Variants in NEUROD1 observed in about 807,000 individuals in gnomAD.
The protein encoded by NEUROD1 is neurogenic differentiation factor 1.
NEUROD1 carries 9 observed loss-of-function variants against 21.8 expected under a neutral mutation model. The observed-to-expected ratio is 0.41, with a 90% CI of 0.25 to 0.72. The LOEUF (loss-of-function observed/expected upper bound fraction) is 0.72. Ranked by LOEUF, NEUROD1 falls within the 30% of genes least tolerant of loss-of-function variation. NEUROD1 has a pLI of 0.31. For missense variants in NEUROD1, 434 were observed against 468.8 expected (o/e 0.93, Z 0.69); for synonymous variants, 199 against 186.2 (o/e 1.07, Z -0.56).
At chr2:181,674,577 G>C (rs893149575), downstream of NEUROD1, among the ~76,000 whole-genome samples, 1 of 152,106 alleles carries the variant, frequency 6.6e-6, no homozygotes, top group Non-Finnish European at 1.5e-5. Context: ...TCTGACATTG[G>C]CACTGGTTCT....
chr2:181,675,905 AAATT>A (rs1382651120), downstream of NEUROD1, among the ~76,000 whole-genome samples: 3 of 152,174 alleles, frequency 2.0e-5, no homozygotes, highest in Non-Finnish European at 2.9e-5. Context: ...TGGATTCTTT[AAATT>A]AATTAACTCA....
chr2:181,677,060 T>A lies in NEUROD1; in HGVS notation c.*730A>T, dbSNP rs2105592953. 6.6e-6 allele frequency: 1 copy of A among 151,564 alleles called. No homozygotes were observed. Among genetic ancestry groups the A allele is most frequent in the Non-Finnish European group, 1.5e-5 (1 of 67,786 alleles). 9.4% of individuals were successfully genotyped at this position (151,564 alleles called of 1,614,324 possible). Reference sequence around the variant, plus strand: ...TTGAAAATTATGATTCTGGTTTTTATTTTAGGGAGACGGAAAGACTTTAAA... The same window carrying A: ...TTGAAAATTATGATTCTGGTTTTTAATTTAGGGAGACGGAAAGACTTTAAA... On this transcript the variant is annotated 3_prime_UTR_variant, in exon 2 of 2. Transcript: ENST00000295108.
chr2:181,674,702 T>A (rs1334508505), downstream of NEUROD1, among the ~76,000 whole-genome samples: 1 of 152,064 alleles, frequency 6.6e-6, no homozygotes, highest in East Asian at 1.9e-4. Flanking sequence ...AGAAGGAACA[T>A]CTGTGCCTGC....
At chr2:181,679,270 A>T (rs978648935) in intron 1 of NEUROD1, among the ~76,000 whole-genome samples, 1 of 100,070 alleles carries the variant, frequency 1.0e-5, no homozygotes, top group African/African-American at 7.3e-5. Context: ...ACAACTCCAT[A>T]AAAAAAAAAA....
In NEUROD1 at chr2:181,670,561, C is replaced by T. The variant is rs1688483880; in HGVS notation, n.3385G>A. The stretch of plus-strand genomic sequence containing the variant: ...TAGGGCTGCCATAACAAATCACCAG[C>T]AACTGGGTAGCTTAAGACAACAGAA... On this transcript the variant is annotated non_coding_transcript_exon_variant, in exon 2 of 2. Transcript: ENST00000496876. Among the ~76,000 whole-genome samples, 3 of 152,210 alleles carry T rather than the reference C, an allele frequency of 2.0e-5. No homozygotes were observed. In the South Asian group the frequency reaches 6.2e-4, roughly 32 times the overall value.
At chr2:181,679,318 C>T (rs190351174) in intron 1 of NEUROD1, among the ~76,000 whole-genome samples, 1 of 152,120 alleles carries the variant, frequency 6.6e-6, no homozygotes, top group East Asian at 1.9e-4. Flanking sequence ...CCATTTCTGT[C>T]CTGGCTTCCA....
chr2:181,671,795 T>C (rs1260351938), downstream of NEUROD1, among the ~76,000 whole-genome samples: 1 of 152,126 alleles, frequency 6.6e-6, no homozygotes, highest in Non-Finnish European at 1.5e-5. Context: ...CATTACTTAG[T>C]CACGTACCTG....
chr2:181,678,583 T>G lies in NEUROD1; in HGVS notation c.278A>C (p.Lys93Thr), dbSNP rs765499554. Reference sequence around the variant, plus strand: ...CAATTTAAAACGCTCCAGGCGAGCCTTAGTCATCTTCTTCTTTTTGGGGCC... The same window carrying G: ...CAATTTAAAACGCTCCAGGCGAGCCGTAGTCATCTTCTTCTTTTTGGGGCC... ...RRGPKKKKMTKARLERFKLRR... is the reference protein window; with the variant it reads ...RRGPKKKKMTTARLERFKLRR... The change falls in exon 2 of 2, where the codon AAG becomes ACG. Residue 93 changes from lysine to threonine, a missense_variant. Coordinates refer to ENST00000295108, the MANE Select transcript of NEUROD1 (RefSeq NM_002500.5). This position sits in a 1 kb window ranked among gnomAD's most constrained non-coding sequence, Gnocchi z 5.5. 4 of 1,614,066 alleles carry G rather than the reference T, an allele frequency of 2.5e-6. No individual in the cohort carries two copies. In the South Asian group the frequency reaches 4.4e-5, roughly 18 times the overall value.
rs150161343 is a variant in NEUROD1 at position 181,676,629 on chromosome 2, A to T, written c.*1161T>A. ...TATTCTGGACTGCATTTTACATGCA[A>T]TAGCTATTGTTCTAATTATGAATTA... On this transcript the variant is annotated 3_prime_UTR_variant, in exon 2 of 2. Transcript: ENST00000295108. 7.2e-5 allele frequency: 11 copies of T among 152,770 alleles called. No individual in the cohort carries two copies. The highest frequency in any genetic ancestry group is 7.2e-4 in the Admixed American group (11 of 15,308). The allele number at this position is 152,770 out of a possible 1,614,324, so 9.5% of individuals were successfully genotyped here.
rs1688651166 is a variant in NEUROD1, at chr2:181,678,946, A to G, written c.-11-75T>C. On this transcript the variant is annotated intron_variant, in intron 1 of 1. Transcript: ENST00000295108. The surrounding 1 kb of genome is among the most constrained non-coding windows in gnomAD (Gnocchi z 5.5). ...ATATTCAAAAGCCAGATACGCCTTC[A>G]GCTTCCACTCCCTAAACCTGTACAA... The G allele has an allele frequency of 6.4e-6, 10 of 1,552,664 alleles. No homozygotes were observed. The South Asian group carries it at 1.0e-4, about 16-fold the overall frequency.
Position 181,678,077 on chromosome 2 carries a change from T to C in NEUROD1, c.784A>G (p.Thr262Ala), listed in dbSNP as rs773096753. ...TCAAAGGAAGGGCTGGTGCAATCAGTCAGAGGGCTTTCAAAGAAGGGCTCC... is the reference window on the plus strand; with the variant it reads ...TCAAAGGAAGGGCTGGTGCAATCAGCCAGAGGGCTTTCAAAGAAGGGCTCC... Reference protein sequence around the residue: ...ALEPFFESPLTDCTSPSFDGP... With the variant: ...ALEPFFESPLADCTSPSFDGP... Residue 262 changes from threonine to alanine, a missense_variant, in exon 2 of 2, where the codon ACT (threonine) becomes GCT (alanine). Transcript: ENST00000295108. This position sits in a 1 kb window ranked among gnomAD's most constrained non-coding sequence, Gnocchi z 5.5. The C allele has an allele frequency of 3.1e-6, 5 of 1,614,076 alleles. No homozygotes were observed. The South Asian group carries it at 3.3e-5, about 11-fold the overall frequency.
chr2:181,674,321 C>T (rs570384928), downstream of NEUROD1, among the ~76,000 whole-genome samples: 47 of 152,182 alleles, frequency 3.1e-4, 2 homozygotes, highest in South Asian at 6.8e-3. Flanking sequence ...CAAAACTAAA[C>T]GAAATATTTT....
rs1422837565 is a variant in NEUROD1, at chr2:181,678,634, T to A, written c.227A>T (p.Asp76Val). The A allele has an allele frequency of 2.5e-6, 4 of 1,613,790 alleles. No homozygotes were observed. In the South Asian group the frequency reaches 4.4e-5, roughly 18 times the overall value. The change falls in exon 2 of 2, where the codon GAT becomes GTT. Residue 76 changes from aspartate to valine, a missense_variant. Asp to Val is a radical substitution (Grantham distance 152). Coordinates refer to ENST00000295108, the MANE Select transcript of NEUROD1 (RefSeq NM_002500.5). The surrounding 1 kb of genome is among the most constrained non-coding windows in gnomAD (Gnocchi z 5.5). ...GCGTCTCTTGGGCTTTTGATCGTCA[T>A]CCTCCTCTTCCTCTTCTTCCTCCTC... The part of the protein sequence containing the change: ...LEEEEEEEEE[D>V]DDQKPKRRGP...
chr2:181,678,471 G>A lies in NEUROD1; in HGVS notation c.390C>T (p.Cys130=). Residue 130 remains cysteine (C), a synonymous_variant, in exon 2 of 2, where the codon TGC becomes TGT. Transcript: ENST00000295108. This position sits in a 1 kb window ranked among gnomAD's most constrained non-coding sequence, Gnocchi z 5.5. ...ALDNLRKVVP[C]YSKTQKLSKI... ...TGGACAGCTTCTGCGTCTTAGAATA[G>A]CAAGGCACCACCTTGCGCAGGTTGT... 1 of 1,614,228 alleles carries A rather than the reference G, an allele frequency of 6.2e-7. No individual in the cohort carries two copies. Among genetic ancestry groups the A allele is most frequent in the Non-Finnish European group, 8.5e-7 (1 of 1,180,054 alleles).
chr2:181,676,412 A>G (rs1183036619), downstream of NEUROD1: 1 of 152,600 alleles, frequency 6.6e-6, no homozygotes, highest in Non-Finnish European at 1.5e-5. Flanking sequence ...AAAAGCAACT[A>G]CTTTCCCCAA....
chr2:181,675,684 C>T (rs1295278858), downstream of NEUROD1, among the ~76,000 whole-genome samples: 2 of 150,330 alleles, frequency 1.3e-5, no homozygotes. Context: ...TAACAATAGA[C>T]AGAATCATCC....
chr2:181,677,988 G>A lies in NEUROD1; in HGVS notation c.873C>T (p.Ala291=), dbSNP rs1415512267. ...GNFSFKHEPS[A]EFEKNYAFTM... is the part of the protein sequence containing the mutation. The stretch of plus-strand genomic sequence containing the variant: ...TAAAGGCATAATTTTTCTCAAACTC[G>A]GCGGACGGTTCGTGTTTGAAAGAGA... Residue 291 remains alanine, a synonymous_variant, in exon 2 of 2, where the codon GCC becomes GCT. Coordinates refer to ENST00000295108, the MANE Select transcript of NEUROD1 (RefSeq NM_002500.5). The A allele has an allele frequency of 9.9e-6, 16 of 1,614,066 alleles. No homozygotes were observed. Among genetic ancestry groups the A allele is most frequent in the Non-Finnish European group, 1.4e-5 (16 of 1,180,046 alleles).
Position 181,678,734 on chromosome 2 carries a change from G to C in NEUROD1, c.127C>G (p.Leu43Val). ...TCCTCCTCTGCGTTCATGGTTTCGA[G>C]GTCGTCCTCCTTCTTGTCTGCCTCG... Reference protein sequence around the residue: ...EHEADKKEDDLETMNAEEDSL... With the variant: ...EHEADKKEDDVETMNAEEDSL... The change falls in exon 2 of 2, where the codon CTC (leucine) becomes GTC (valine). Residue 43 changes from leucine to valine, a missense_variant. By Grantham distance (32) the Leu-to-Val change is conservative. Transcript: ENST00000295108. This position sits in a 1 kb window ranked among gnomAD's most constrained non-coding sequence, Gnocchi z 5.5. 6.2e-7 allele frequency: 1 copy of C among 1,612,314 alleles called. No individual in the cohort carries two copies. Among genetic ancestry groups the C allele is most frequent in the Admixed American group, 1.7e-5 (1 of 59,784 alleles).
rs2105594483 is a variant in NEUROD1, at chr2:181,678,097, G to A, written c.764C>T (p.Pro255Leu). The A allele has an allele frequency of 6.2e-7, 1 of 1,614,212 alleles. No homozygotes were observed. Among genetic ancestry groups the A allele is most frequent in the Non-Finnish European group, 8.5e-7 (1 of 1,180,048 alleles). ...PPHAYSAALE[P>L]FFESPLTDCT... ...ATCAGTCAGAGGGCTTTCAAAGAAG[G>A]GCTCCAGCGCTGCGCTGTAGGCGTG... is the stretch of plus-strand genomic sequence containing the variant. The change falls in exon 2 of 2, where the codon CCC becomes CTC. Residue 255 changes from proline (P) to leucine (L), a missense_variant. Physicochemically the swap from Pro to Leu is moderately conservative, Grantham distance 98 (BLOSUM62 -3). Coordinates refer to ENST00000295108, the MANE Select transcript of NEUROD1 (RefSeq NM_002500.5). The surrounding 1 kb of genome is among the most constrained non-coding windows in gnomAD (Gnocchi z 5.5).
Sources: allele counts gnomAD v4.1 joint callset (sites outside exome capture counted in the v4.1 genomes callset), GRCh38; gene constraint gnomAD v4.1.1; non-coding constraint Gnocchi (gnomAD v3.1); transcripts MANE v1.5; gene names NCBI Gene and HGNC (gene_info 2026-07-23, HGNC 2026-07-21).